The following GMPPA variants were observed in gnomAD, a reference collection of about 807,000 sequenced individuals.
The protein encoded by GMPPA is GDP-mannose pyrophosphorylase A, also known as mannose-1-phosphate guanylyltransferase regulatory subunit alpha.
In GMPPA, 46 loss-of-function variants were observed where a neutral mutation model predicts 58.6. The ratio of observed to expected loss-of-function variants is 0.78; its 90% CI spans 0.62 to 1.00. GMPPA has a LOEUF of 1.00. Among genes scored for constraint, GMPPA ranks in the 50% least tolerant of loss-of-function variants. GMPPA has a pLI of 0.00. For synonymous variants in GMPPA, 211 were observed against 214.9 expected (o/e 0.98, Z 0.16); for missense variants, 468 against 556.4 (o/e 0.84, Z 1.60).
intron 6 of GMPPA, among the ~76,000 whole-genome samples, chr2:219,503,468 A>G (rs1694469372): frequency 6.6e-6 from 1 of 152,196 alleles, no homozygotes; most frequent in Non-Finnish European, 1.5e-5. Flanking sequence ...AATATAAAAC[A>G]TACATATAAA....
Position 219,506,699 on chromosome 2 carries a change from C to T in GMPPA, c.1164C>T (p.Gly388=). 1 of 1,576,554 alleles carries T rather than the reference C, an allele frequency of 6.3e-7. No homozygotes were observed. Among genetic ancestry groups the T allele is most frequent in the Non-Finnish European group, 8.7e-7 (1 of 1,146,212 alleles). Residue 388 remains glycine (G), a splice_region_variant and synonymous_variant, in exon 13 of 13, where the codon GGC becomes GGT. Coordinates refer to ENST00000313597, the MANE Select transcript of GMPPA (RefSeq NM_013335.4). ...CTGGTGCCCTCATCCATGCTGCAGGCTGCCGAGTCCGGATCCCTGCCGAGG... is the reference window on the plus strand; with the variant it reads ...CTGGTGCCCTCATCCATGCTGCAGGTTGCCGAGTCCGGATCCCTGCCGAGG... The part of the protein sequence containing the change: ...GKLLPAITIL[G]CRVRIPAEVL...
chr2:219,506,364 C>T lies in GMPPA; in HGVS notation c.1104C>T (p.Arg368=), dbSNP rs775122721. 1.9e-6 allele frequency: 3 copies of T among 1,613,888 alleles called. No individual in the cohort carries two copies. Among genetic ancestry groups the T allele is most frequent in the Non-Finnish European group, 2.5e-6 (3 of 1,180,008 alleles). ...SDPNPNDPRA[R]MDSESLFKDG... is the part of the protein sequence containing the mutation. ...CTAACCCCAACGATCCCCGAGCCCG[C>T]ATGGACAGTGAGAGCCTCTTCAAGG... Residue 368 remains arginine, a synonymous_variant, in exon 12 of 13, where the codon CGC becomes CGT. Transcript: ENST00000313597.
At position 219,506,082 on chromosome 2, in the gene GMPPA, A is replaced by T; in HGVS notation, c.993+10A>T. The stretch of plus-strand genomic sequence containing the variant: ...TGGAGCCACTTTGCAGGTAGGTACC[A>T]GCATACACAGCAGCATGTGACACCC... On this transcript the variant is annotated intron_variant, in intron 11 of 12. Coordinates refer to ENST00000313597, the MANE Select transcript of GMPPA (RefSeq NM_013335.4). The T allele has an allele frequency of 6.5e-7, 1 of 1,548,084 alleles. No individual in the cohort carries two copies. Among genetic ancestry groups the T allele is most frequent in the Non-Finnish European group, 8.8e-7 (1 of 1,131,994 alleles).
chr2:219,506,146 A>G, intron 11 of GMPPA, 74 bp downstream of exon 11: 3 of 1,466,348 alleles, frequency 2.0e-6, no homozygotes, highest in Non-Finnish European at 2.8e-6. Flanking sequence ...CCCCCCAAGA[A>G]CAGAGAAGGG....
chr2:219,501,909 C>G lies in GMPPA; in HGVS notation c.301C>G (p.Gln101Glu), dbSNP rs747582518. 6.2e-7 allele frequency: 1 copy of G among 1,614,160 alleles called. No individual in the cohort carries two copies. Among genetic ancestry groups the G allele is most frequent in the Non-Finnish European group, 8.5e-7 (1 of 1,180,004 alleles). The change falls in exon 5 of 13, where the codon CAG (glutamine) becomes GAG (glutamate). Residue 101 changes from glutamine (Q) to glutamate (E), a missense_variant. Transcript: ENST00000313597. ...GGGTGGTCTTTACCATTTTCGAGACCAGATCCTGGCTGGGAGCCCCGAGGC... is the reference window on the plus strand; with the variant it reads ...GGGTGGTCTTTACCATTTTCGAGACGAGATCCTGGCTGGGAGCCCCGAGGC... ...TGGGLYHFRD[Q>E]ILAGSPEAFF...
intron 4 of GMPPA, 83 bp from the exon 5 acceptor site, chr2:219,501,768 C>G (rs781569436): frequency 1.6e-6 from 2 of 1,241,478 alleles, no homozygotes; most frequent in Non-Finnish European, 2.3e-6. Flanking sequence ...GTCCTGGGAG[C>G]AAGCGGTGGC....
Position 219,502,139 on chromosome 2 carries a change from G to T in GMPPA, c.429+102G>T. On this transcript the variant is annotated intron_variant, in intron 5 of 12. Transcript: ENST00000313597. The surrounding 1 kb of genome is among the most constrained non-coding windows in gnomAD (Gnocchi z 4.0). ...GCAGGGGCGCCCCGGGAGTTGGTGT[G>T]GGAGCTGGCGTCAGGAGGGAGATGC... is the stretch of plus-strand genomic sequence containing the variant. 8.3e-7 allele frequency: 1 copy of T among 1,197,788 alleles called. No individual in the cohort carries two copies. Among genetic ancestry groups the T allele is most frequent in the East Asian group, 2.3e-5 (1 of 42,818 alleles). The allele number at this position is 1,197,788 out of a possible 1,614,324, so 74.2% of individuals were successfully genotyped here. A position where few individuals can be genotyped will look rare whatever the true frequency, so the allele number is the denominator to read the frequency against.
chr2:219,502,329 C>G lies in GMPPA; in HGVS notation c.430-53C>G. 2 of 1,507,552 alleles carry G rather than the reference C, an allele frequency of 1.3e-6. No homozygotes were observed. The highest frequency in any genetic ancestry group is 1.8e-6 in the Non-Finnish European group (2 of 1,083,326). 93.4% of individuals were successfully genotyped at this position (1,507,552 alleles called of 1,614,324 possible). A position where few individuals can be genotyped will look rare whatever the true frequency, so the allele number is the denominator to read the frequency against. On this transcript the variant is annotated intron_variant, in intron 5 of 12. Coordinates refer to ENST00000313597, the MANE Select transcript of GMPPA (RefSeq NM_013335.4). The surrounding 1 kb of genome is among the most constrained non-coding windows in gnomAD (Gnocchi z 4.0). Reference sequence around the variant, plus strand: ...CGGAGGGAAAGAAAGAAAAAACAGACGTGGCTGCCCTGGAGCAGGCGGGTC... The same window carrying G: ...CGGAGGGAAAGAAAGAAAAAACAGAGGTGGCTGCCCTGGAGCAGGCGGGTC...
At chr2:219,499,753 G>T (rs1452026686) in intron 1 of GMPPA, 4 of 613,690 alleles carry the variant, frequency 6.5e-6, no homozygotes, top group African/African-American at 5.6e-5. Flanking sequence ...TTGGGGTTTG[G>T]GGTTTGGTTG....
Position 219,505,360 on chromosome 2 carries a change from A to G in GMPPA, c.753A>G (p.Ala251=), listed in dbSNP as rs371497371. 1.6e-5 allele frequency: 26 copies of G among 1,613,376 alleles called. No homozygotes were observed. The highest frequency in any genetic ancestry group is 2.7e-5 in the African/African-American group (2 of 74,918). ...TDGIWSQIKS[A]GSALYASRLY... ...GTATCTGGAGTCAGATCAAGTCCGC[A>G]GGGTATGGAAGGCTGGGTCCCCTGG... The change falls in exon 8 of 13, where the codon GCA becomes GCG. Residue 251 remains alanine (A), a splice_region_variant and synonymous_variant. Coordinates refer to ENST00000313597, the MANE Select transcript of GMPPA (RefSeq NM_013335.4).
chr2:219,500,315 T>A (rs755649332), intron 3 of GMPPA, 97 bp downstream of exon 3: 29 of 736,392 alleles, frequency 3.9e-5, no homozygotes, highest in Non-Finnish European at 6.6e-5. Context: ...CAGGCATAAC[T>A]CCAAGGACCA....
At chr2:219,504,554 A>G (rs1238821854) in intron 7 of GMPPA, 3 of 335,506 alleles carry the variant, frequency 8.9e-6, no homozygotes, top group Non-Finnish European at 1.7e-5. Context: ...ACGTGCACAC[A>G]CAGACAGACA....
Position 219,500,152 on chromosome 2 carries a change from G to C in GMPPA, c.72G>C (p.Val24=). 1 of 1,598,448 alleles carries C rather than the reference G, an allele frequency of 6.3e-7. No individual in the cohort carries two copies. Among genetic ancestry groups the C allele is most frequent in the Non-Finnish European group, 8.5e-7 (1 of 1,170,884 alleles). ...GCTTCAGACCTTTGTCTTTTGAGGTGCCCAAACCATTGTTTCCTGTGGCAG... is the reference window on the plus strand; with the variant it reads ...GCTTCAGACCTTTGTCTTTTGAGGTCCCCAAACCATTGTTTCCTGTGGCAG... ...GTRFRPLSFE[V]PKPLFPVAGV... Residue 24 remains valine, a synonymous_variant, in exon 3 of 13, where the codon GTG becomes GTC. Transcript: ENST00000313597.
At chr2:219,506,609 G>A in intron 12 of GMPPA, 89 bp from the exon 13 acceptor site, 1 of 977,880 alleles carries the variant, frequency 1.0e-6, no homozygotes, top group Non-Finnish European at 1.6e-6. Context: ...ATGGGCAGGA[G>A]GGCTCCCTCC....
rs1694527073 is a variant in GMPPA at position 219,505,045 on chromosome 2, G to T, written c.621-183G>T. 8.4e-6 allele frequency: 7 copies of T among 837,060 alleles called. No homozygotes were observed. In the East Asian group the frequency reaches 1.9e-4, roughly 23 times the overall value. 51.9% of individuals were successfully genotyped at this position (837,060 alleles called of 1,614,324 possible). On this transcript the variant is annotated intron_variant, in intron 7 of 12. Transcript: ENST00000313597. The stretch of plus-strand genomic sequence containing the variant: ...TGTGATAGCACCCACCCAAGTGGGG[G>T]CTGGGTGGGAGAGGTTCCTGGGATG...
At chr2:219,504,591 T>C in intron 7 of GMPPA, 1 of 252,558 alleles carries the variant, frequency 4.0e-6, no homozygotes, top group South Asian at 6.1e-5. Flanking sequence ...GAGGCTCCCC[T>C]TGGAACATAG....
At chr2:219,505,597 C>T (rs1483375270) in intron 9 of GMPPA, 42 bp downstream of exon 9, 3 of 1,568,910 alleles carry the variant, frequency 1.9e-6, no homozygotes, top group South Asian at 1.1e-5. Context: ...GCTTCCACCC[C>T]AGCCCTCTGA....
At position 219,502,422 on chromosome 2, in the gene GMPPA, A is replaced by C; in HGVS notation, c.470A>C (p.Glu157Ala). 4 of 1,613,890 alleles carry C rather than the reference A, an allele frequency of 2.5e-6. No individual in the cohort carries two copies. Among genetic ancestry groups the C allele is most frequent in the Non-Finnish European group, 3.4e-6 (4 of 1,179,850 alleles). ...TCCCTCAACTACGGCTGCATCGTTG[A>C]GAATCCACAGACACACGAGGTGAGA... ...TQSLNYGCIV[E>A]NPQTHEVLHY... The change falls in exon 6 of 13, where the codon GAG (glutamate) becomes GCG (alanine). Residue 157 changes from glutamate to alanine, a missense_variant. Transcript: ENST00000313597. This position sits in a 1 kb window ranked among gnomAD's most constrained non-coding sequence, Gnocchi z 4.0.
chr2:219,505,095 C>T (rs1249810407), intron 7 of GMPPA, 133 bp from the exon 8 acceptor site: 2 of 1,074,660 alleles, frequency 1.9e-6, no homozygotes, highest in South Asian at 1.6e-5. Flanking sequence ...CCAGAGAGGG[C>T]CGAACCAGAC....
Sources: allele counts gnomAD v4.1 joint callset (sites outside exome capture counted in the v4.1 genomes callset), GRCh38; gene constraint gnomAD v4.1.1; non-coding constraint Gnocchi (gnomAD v3.1); transcripts MANE v1.5; gene names NCBI Gene and HGNC (gene_info 2026-07-23, HGNC 2026-07-21).